The following MATCAP2 variants were observed in gnomAD, a reference collection of about 807,000 sequenced individuals.
MATCAP2 encodes the protein putative tyrosine carboxypeptidase MATCAP2.
the MATCAP2 span, among the ~76,000 whole-genome samples, chr7:36,362,232 T>C: frequency 6.6e-6 from 1 of 152,232 alleles, no homozygotes; most frequent in Non-Finnish European, 1.5e-5. Context: ...TTAACTATAG[T>C]ATCTCTAAAT....
the MATCAP2 span, among the ~76,000 whole-genome samples, chr7:36,330,071 T>TTTTA: frequency 1.7e-3 from 35 of 20,130 alleles, no homozygotes; most frequent in African/African-American, 4.9e-3. Context: ...TTTTATTTTA[T>TTTTA]TTTATTTATT....
the MATCAP2 span, among the ~76,000 whole-genome samples, chr7:36,346,226 C>T: frequency 6.6e-6 from 1 of 152,118 alleles, no homozygotes; most frequent in Non-Finnish European, 1.5e-5. Context: ...AACAGTCTGG[C>T]AGTTCCTTAA....
chr7:36,336,447 A>C, the MATCAP2 span: 1 of 677,194 alleles, frequency 1.5e-6, no homozygotes. Context: ...CTAATCCTAA[A>C]CAACTTCCAC....
the MATCAP2 span, chr7:36,325,705 A>G: frequency 6.6e-6 from 1 of 152,234 alleles, no homozygotes; most frequent in Non-Finnish European, 1.5e-5. Context: ...AAGCTAGGCT[A>G]GCAGGAGAAA....
At chr7:36,352,912 G>A in the MATCAP2 span, among the ~76,000 whole-genome samples, 1 of 151,942 alleles carries the variant, frequency 6.6e-6, no homozygotes, top group Non-Finnish European at 1.5e-5. Context: ...GAGACATATG[G>A]TGTTCTGGCT....
the MATCAP2 span, among the ~76,000 whole-genome samples, chr7:36,330,672 T>TG: frequency 1.3e-5 from 2 of 152,146 alleles, no homozygotes; most frequent in Non-Finnish European, 2.9e-5. Flanking sequence ...GGAGATATTA[T>TG]GGGGGGAAGT....
the MATCAP2 span, among the ~76,000 whole-genome samples, chr7:36,362,806 A>G: frequency 6.6e-6 from 1 of 152,164 alleles, no homozygotes. Context: ...ATATCCACTC[A>G]TCTTTCAGTT....
At chr7:36,359,502 G>A in the MATCAP2 span, among the ~76,000 whole-genome samples, 2 of 152,182 alleles carry the variant, frequency 1.3e-5, no homozygotes, top group Admixed American at 1.3e-4. Flanking sequence ...ACATTTTCTA[G>A]GCCAGCATGT....
chr7:36,329,867 T>TCAAA, the MATCAP2 span, among the ~76,000 whole-genome samples: 3 of 152,132 alleles, frequency 2.0e-5, no homozygotes, highest in Non-Finnish European at 4.4e-5. Context: ...CAGCAGGTTA[T>TCAAA]CAAACACCCA....
chr7:36,387,897 C>CATGGGGTATGT, the MATCAP2 span, among the ~76,000 whole-genome samples: 1 of 152,252 alleles, frequency 6.6e-6, no homozygotes, highest in African/African-American at 2.4e-5. Flanking sequence ...CACACACAGA[C>CATGGGGTATGT]ACGCCCCAAA....
chr7:36,329,796 G>A, the MATCAP2 span, among the ~76,000 whole-genome samples: 1 of 152,152 alleles, frequency 6.6e-6, no homozygotes, highest in Non-Finnish European at 1.5e-5. Flanking sequence ...TACAATGGGG[G>A]AAAGGTACTT....
At chr7:36,336,267 T>G in the MATCAP2 span, 1 of 1,532,190 alleles carries the variant, frequency 6.5e-7, no homozygotes, top group South Asian at 1.2e-5. Flanking sequence ...CTTCCATATT[T>G]CTGTAAAGTC....
chr7:36,337,339 C>T, the MATCAP2 span, among the ~76,000 whole-genome samples: 3 of 151,740 alleles, frequency 2.0e-5, no homozygotes, highest in African/African-American at 7.3e-5. Flanking sequence ...GAATGGAGAA[C>T]TAAAAATAAC....
chr7:36,385,487 G>A, the MATCAP2 span, among the ~76,000 whole-genome samples: 1 of 152,140 alleles, frequency 6.6e-6, no homozygotes, highest in Non-Finnish European at 1.5e-5. Context: ...AGACCTATGT[G>A]TACATAAAAA....
the MATCAP2 span, among the ~76,000 whole-genome samples, chr7:36,332,171 A>G: frequency 6.6e-6 from 1 of 152,176 alleles, no homozygotes. Context: ...TAGTCTAAAA[A>G]TGATGAGCCT....
the MATCAP2 span, among the ~76,000 whole-genome samples, chr7:36,365,885 TCCTGG>T: frequency 6.6e-6 from 1 of 152,354 alleles, no homozygotes; most frequent in African/African-American, 2.4e-5. Flanking sequence ...CGATCTCAGA[TCCTGG>T]AACTATGTTT....
At chr7:36,379,847 C>CACACAGAGAGAGAGAGAGAGAG in the MATCAP2 span, among the ~76,000 whole-genome samples, 4 of 107,700 alleles carry the variant, frequency 3.7e-5, no homozygotes, top group East Asian at 6.0e-4. Context: ...CACACACACA[C>CACACAGAGAGAGAGAGAGAGAG]AGAGAGAGAG....
chr7:36,357,588 T>C, the MATCAP2 span: 1 of 1,596,358 alleles, frequency 6.3e-7, no homozygotes, highest in Admixed American at 1.8e-5. Context: ...CAGTGAAGCT[T>C]TTCTGTGTTA....
the MATCAP2 span, among the ~76,000 whole-genome samples, chr7:36,364,085 CTTCTTCT>C: frequency 9.5e-6 from 1 of 104,988 alleles, no homozygotes; most frequent in African/African-American, 4.3e-5. Context: ...GTAGAATCTT[CTTCTTCT>C]TTTTTTTTTT....
Sources: allele counts gnomAD v4.1 joint callset (sites outside exome capture counted in the v4.1 genomes callset), GRCh38; gene constraint gnomAD v4.1.1; transcripts MANE v1.5; gene names NCBI Gene and HGNC (gene_info 2026-07-23, HGNC 2026-07-21).